SLC36A1: variants seen among roughly 807,000 people sequenced by gnomAD.
SLC36A1 encodes the protein solute carrier family 36 member 1, also known as proton-coupled amino acid transporter 1.
Under a neutral mutation model 47.5 loss-of-function variants are expected in SLC36A1, and 30 were observed. That is an observed-to-expected ratio of 0.63 (90% CI 0.47 to 0.86). The LOEUF (loss-of-function observed/expected upper bound fraction) is 0.86. Ranked by LOEUF, SLC36A1 falls within the 40% of genes least tolerant of loss-of-function variation. The pLI is 0.00. For synonymous variants in SLC36A1, 255 were observed against 249.7 expected, an observed-to-expected ratio of 1.02 and a Z score of -0.20; for missense variants, 517 against 606.0, an observed-to-expected ratio of 0.85 and a Z score of 1.54.
At chr5:151,511,675 A>G in the SLC36A1 span, 1 of 161,924 alleles carries the variant, frequency 6.2e-6, no homozygotes, top group Non-Finnish European at 1.4e-5. Flanking sequence ...GCATTGACAG[A>G]TCTTAAAAAT....
Position 151,467,200 on chromosome 5 carries a change from C to G in SLC36A1, c.421C>G (p.Arg141Gly), listed in dbSNP as rs35204299. 2.0e-4 allele frequency: 326 copies of G among 1,607,672 alleles called. 1 individual carries two copies. The Middle Eastern group carries it at 3.8e-3, about 19-fold the overall frequency. ...WLRNHAHWGR[R>G]VVDFFLIVTQ... is the part of the protein sequence containing the mutation. Reference sequence around the variant, plus strand: ...TATTCCTTCCTTCCCCACCTCCAGACGTGTTGTGGACTTCTTCCTGATTGT... The same window carrying G: ...TATTCCTTCCTTCCCCACCTCCAGAGGTGTTGTGGACTTCTTCCTGATTGT... The change falls in exon 6 of 11, where the codon CGT becomes GGT. Residue 141 changes from arginine to glycine, a missense_variant and splice_region_variant. By Grantham distance (125) the Arg-to-Gly change is moderately radical. Transcript: ENST00000243389.
At chr5:151,476,971 C>G (rs1758154223) in intron 9 of SLC36A1, 2 of 689,856 alleles carry the variant, frequency 2.9e-6, no homozygotes, top group East Asian at 5.7e-5. Flanking sequence ...TGGTGCTGAT[C>G]AGCCGATGGG....
intron 2 of SLC36A1, 48 bp downstream of exon 2, chr5:151,458,983 A>G (rs777717215): frequency 6.4e-7 from 1 of 1,562,856 alleles, no homozygotes; most frequent in African/African-American, 1.4e-5. Flanking sequence ...TCGTGTTCCT[A>G]AGCCTCCCTT....
the SLC36A1 span, among the ~76,000 whole-genome samples, chr5:151,407,510 A>C: frequency 1.3e-5 from 2 of 151,126 alleles, no homozygotes; most frequent in Non-Finnish European, 2.9e-5. Flanking sequence ...ATATTTACAG[A>C]GTGCTGATTG....
At chr5:151,347,225 A>G in the SLC36A1 span, 1 of 1,580,280 alleles carries the variant, frequency 6.3e-7, no homozygotes, top group African/African-American at 1.3e-5. Flanking sequence ...AGACACACCC[A>G]CCTCAGGGTT....
intron 1 of SLC36A1, among the ~76,000 whole-genome samples, chr5:151,455,335 A>C (rs1426385089): frequency 1.4e-5 from 2 of 147,762 alleles, no homozygotes; most frequent in Admixed American, 6.7e-5. Context: ...AGAACTCCCA[A>C]GCAGAATTTT....
At chr5:151,395,179 C>T in the SLC36A1 span, among the ~76,000 whole-genome samples, 2 of 152,236 alleles carry the variant, frequency 1.3e-5, no homozygotes, top group Non-Finnish European at 1.5e-5. Context: ...ATGAGTGAGG[C>T]TCTGTGGGCG....
chr5:151,437,984 C>T (rs1410739512), intron 1 of SLC36A1, among the ~76,000 whole-genome samples: 1 of 152,100 alleles, frequency 6.6e-6, no homozygotes, highest in Admixed American at 6.5e-5. Context: ...AACTTCTCTC[C>T]TCTCTGACCC....
chr5:151,447,876 T>A (rs1753054988), intron 1 of SLC36A1, 63 bp downstream of exon 1: 1 of 152,424 alleles, frequency 6.6e-6, no homozygotes, highest in East Asian at 1.9e-4. Flanking sequence ...GGGCCGCAGC[T>A]GCGGTACGAC....
At chr5:151,347,720 ATTAC>A in the SLC36A1 span, 6 of 504,206 alleles carry the variant, frequency 1.2e-5, no homozygotes, top group African/African-American at 5.8e-5. Flanking sequence ...TCGTATTGGT[ATTAC>A]TTAATAATAA....
At chr5:151,534,639 T>A in the SLC36A1 span, 1 of 1,603,164 alleles carries the variant, frequency 6.2e-7, no homozygotes. Context: ...TGTGGTCAGC[T>A]CCCCTGGTCG....
chr5:151,521,554 A>G, the SLC36A1 span: 1 of 1,614,198 alleles, frequency 6.2e-7, no homozygotes, highest in East Asian at 2.2e-5. Context: ...GAGCACATCC[A>G]CACCAGCCAC....
the SLC36A1 span, chr5:151,544,343 C>G: frequency 2.5e-6 from 4 of 1,614,194 alleles, no homozygotes; most frequent in Non-Finnish European, 3.4e-6. Context: ...ACATCCTCCA[C>G]TAGGACTTCC....
the SLC36A1 span, chr5:151,534,431 T>A: frequency 1.9e-6 from 3 of 1,609,092 alleles, no homozygotes; most frequent in Non-Finnish European, 2.5e-6. Context: ...CCCGGGCAAA[T>A]ACTACAGCCA....
At chr5:151,466,062 A>T (rs960258323) in intron 5 of SLC36A1, among the ~76,000 whole-genome samples, 2 of 152,034 alleles carry the variant, frequency 1.3e-5, no homozygotes, top group African/African-American at 4.8e-5. Context: ...CAGATTATAT[A>T]GTTCTTTTGG....
At chr5:151,473,223 T>A (rs165349) in intron 7 of SLC36A1, among the ~76,000 whole-genome samples, 41,089 of 133,878 alleles carry the variant, frequency 0.31, 6,914 homozygotes, top group Non-Finnish European at 0.36. Flanking sequence ...GATAGATAGA[T>A]AGAATATATA....
chr5:151,449,680 AG>A (rs1423890896), intron 1 of SLC36A1, among the ~76,000 whole-genome samples: 3 of 152,226 alleles, frequency 2.0e-5, no homozygotes, highest in Non-Finnish European at 4.4e-5. Context: ...CCATAAGGGA[AG>A]GGTGTTTGGT....
the SLC36A1 span, among the ~76,000 whole-genome samples, chr5:151,538,930 C>A: frequency 3.3e-5 from 5 of 151,986 alleles, no homozygotes; most frequent in Non-Finnish European, 7.4e-5. Context: ...AGGTGATCCG[C>A]CTGCCTCGGC....
At chr5:151,362,563 G>C in the SLC36A1 span, among the ~76,000 whole-genome samples, 1 of 151,764 alleles carries the variant, frequency 6.6e-6, no homozygotes, top group Non-Finnish European at 1.5e-5. Flanking sequence ...GCTAATTTTT[G>C]TATTTTTAGT....
Sources: allele counts gnomAD v4.1 joint callset (sites outside exome capture counted in the v4.1 genomes callset), GRCh38; gene constraint gnomAD v4.1.1; transcripts MANE v1.5; gene names NCBI Gene and HGNC (gene_info 2026-07-23, HGNC 2026-07-21).